Variants in COL4A4 observed in about 807,000 individuals in gnomAD.
COL4A4 encodes the protein collagen alpha-4(IV) chain.
In COL4A4, 105 loss-of-function variants were observed where a neutral mutation model predicts 192.9. The ratio of observed to expected loss-of-function variants is 0.54; its 90% CI spans 0.46 to 0.64. The LOEUF (loss-of-function observed/expected upper bound fraction) is 0.64, where lower values mean the gene tolerates loss of function less well. COL4A4 is among the 30% of genes least tolerant of loss of function. The pLI is 0.00. For synonymous variants in COL4A4, 762 were observed against 769.9 expected (o/e 0.99, Z 0.17); for missense variants, 1,967 against 2,169.3 (o/e 0.91, Z 1.85).
the COL4A4 span, among the ~76,000 whole-genome samples, chr2:226,992,034 T>C: frequency 1.3e-5 from 2 of 152,194 alleles, no homozygotes; most frequent in Non-Finnish European, 2.9e-5. Flanking sequence ...GCTGAACAAA[T>C]GTGAGTACAT....
intron 25 of COL4A4, among the ~76,000 whole-genome samples, chr2:227,076,159 C>G (rs1036953211): frequency 6.6e-6 from 1 of 151,960 alleles, no homozygotes; most frequent in Admixed American, 6.6e-5. Context: ...CACATGGAAC[C>G]AAAAAAGAGC....
At chr2:227,118,516 C>T (rs1412278063) in intron 7 of COL4A4, 129 bp downstream of exon 7, 2 of 745,962 alleles carry the variant, frequency 2.7e-6, no homozygotes, top group Middle Eastern at 2.5e-4. Flanking sequence ...TATCCCCCAG[C>T]CACTCCCATT....
Position 227,147,464 on chromosome 2 carries a change from A to G in COL4A4, c.20T>C (p.Val7Ala). 5 of 1,613,830 alleles carry G rather than the reference A, an allele frequency of 3.1e-6. No individual in the cohort carries two copies. Among genetic ancestry groups the G allele is most frequent in the South Asian group, 1.1e-5 (1 of 91,086 alleles). The change falls in exon 2 of 48, where the codon GTA becomes GCA. Residue 7 changes from valine (V) to alanine (A), a missense_variant. Physicochemically the swap from Val to Ala is moderately conservative, Grantham distance 64. Coordinates refer to ENST00000396625, the MANE Select transcript of COL4A4 (RefSeq NM_000092.5). ...CAATCTGAAGGAGCACCTCATTAGT[A>G]CTATGTGCAGAGACCACATCGCAGG... MWSLHI[V>A]LMRCSFRLTK...
At position 227,060,324 on chromosome 2, in the gene COL4A4, T is replaced by C. The variant is rs1362467396; in HGVS notation, c.2057-81A>G. 3 of 966,058 alleles carry C rather than the reference T, an allele frequency of 3.1e-6. No homozygotes were observed. In the African/African-American group the frequency reaches 4.9e-5, roughly 16 times the overall value. The allele number at this position is 966,058 out of a possible 1,614,324, so 59.8% of individuals were successfully genotyped here. ...AAAATGAGATGATTTTCTTTAAGTC[T>C]ATGTTAAGTCCTTTTAGAATATTTC... On this transcript the variant is annotated intron_variant, in intron 26 of 47. Transcript: ENST00000396625.
intron 4 of COL4A4, among the ~76,000 whole-genome samples, chr2:227,139,819 T>C (rs1420203817): frequency 6.6e-6 from 1 of 152,198 alleles, no homozygotes; most frequent in Non-Finnish European, 1.5e-5. Flanking sequence ...TGGATTTTTT[T>C]CTACCAACTT....
chr2:227,140,343 A>ATTAGTCTTTTCTTCTCATG, intron 3 of COL4A4, 105 bp from the exon 4 acceptor site: 1 of 878,468 alleles, frequency 1.1e-6, no homozygotes, highest in Non-Finnish European at 1.9e-6. Context: ...TGACTCCATG[A>ATTAGTCTTTTCTTCTCATG]GAAGAAAAGA....
chr2:227,062,269 A>G (rs2150310106), intron 26 of COL4A4, among the ~76,000 whole-genome samples: 1 of 151,980 alleles, frequency 6.6e-6, no homozygotes, highest in East Asian at 1.9e-4. Flanking sequence ...AGGGACAGAC[A>G]TTTTAACTGA....
intron 34 of COL4A4, 93 bp downstream of exon 34, chr2:227,049,975 C>T (rs1973725430): frequency 1.1e-5 from 13 of 1,211,318 alleles, no homozygotes; most frequent in Admixed American, 5.1e-5. Context: ...CTTTGATACA[C>T]TTTGCTTATC....
In COL4A4 at chr2:227,060,125, A is replaced by AAAAT; in HGVS notation, c.2164+10_2164+11insATTT. ...AGAAAAAAAAAAAAAAAAAAAAAAA[A>AAAAT]CCTCACTGACCAGGTGGACCTGGTA... On this transcript the variant is annotated intron_variant, in intron 27 of 47. Transcript: ENST00000396625. 1 of 1,436,018 alleles carries AAAAT rather than the reference A, an allele frequency of 7.0e-7. No individual in the cohort carries two copies. Among genetic ancestry groups the AAAAT allele is most frequent in the Non-Finnish European group, 9.6e-7 (1 of 1,043,382 alleles). 89.0% of individuals were successfully genotyped at this position (1,436,018 alleles called of 1,614,324 possible).
At chr2:227,041,511 T>C (rs1030314598) in intron 37 of COL4A4, among the ~76,000 whole-genome samples, 6 of 151,156 alleles carry the variant, frequency 4.0e-5, no homozygotes, top group Admixed American at 3.3e-4. Flanking sequence ...CATGGTGATG[T>C]GCACCTGTAA....
At chr2:226,995,354 G>T in the COL4A4 span, 4 of 866,356 alleles carry the variant, frequency 4.6e-6, no homozygotes, top group Non-Finnish European at 7.7e-6. Context: ...CTATCACTTT[G>T]TTCCCTTGGA....
Position 227,108,880 on chromosome 2 carries a change from G to C in COL4A4, c.658-12C>G. 2 of 1,610,530 alleles carry C rather than the reference G, an allele frequency of 1.2e-6. No individual in the cohort carries two copies. Among genetic ancestry groups the C allele is most frequent in the Non-Finnish European group, 1.7e-6 (2 of 1,177,880 alleles). On this transcript the variant is annotated splice_polypyrimidine_tract_variant and intron_variant, in intron 10 of 47. Transcript: ENST00000396625. ...TGGCCCGGAGGTCCCTAAATCAAGGGAGAAAAAAACACAAATCAATCATCA... is the reference window on the plus strand; with the variant it reads ...TGGCCCGGAGGTCCCTAAATCAAGGCAGAAAAAAACACAAATCAATCATCA...
intron 17 of COL4A4, 28 bp from the exon 18 acceptor site, chr2:227,099,717 A>C: frequency 6.2e-7 from 1 of 1,602,182 alleles, no homozygotes; most frequent in East Asian, 2.2e-5. Context: ...TTCACTTTTT[A>C]AAGGAATATT....
At position 227,140,382 on chromosome 2, in the gene COL4A4, A is replaced by G. The variant is rs1318891131; in HGVS notation, c.115-144T>C. On this transcript the variant is annotated intron_variant, in intron 3 of 47. Transcript: ENST00000396625. ...ATCATGACATATAAAAAGATGAAGA[A>G]CTTACACAGTAGCTTAATAATAAGG... The G allele has an allele frequency of 4.2e-6, 3 of 711,556 alleles. No homozygotes were observed. The Admixed American group carries it at 6.5e-5, about 15-fold the overall frequency. The allele number at this position is 711,556 out of a possible 1,614,324, so 44.1% of individuals were successfully genotyped here. A position where few individuals can be genotyped will look rare whatever the true frequency, so the allele number is the denominator to read the frequency against.
At chr2:226,969,762 A>G in the COL4A4 span, among the ~76,000 whole-genome samples, 1 of 152,204 alleles carries the variant, frequency 6.6e-6, no homozygotes, top group East Asian at 1.9e-4. Context: ...TTATTTTTTA[A>G]ATGTGATTTC....
chr2:227,054,827 TCAC>T, intron 30 of COL4A4, 90 bp from the exon 31 acceptor site: 5 of 1,416,512 alleles, frequency 3.5e-6, no homozygotes, highest in Non-Finnish European at 4.9e-6. Flanking sequence ...TCTCACTCTG[TCAC>T]CCAGGCTGAA....
At chr2:227,077,433 T>C (rs75803852) in intron 25 of COL4A4, among the ~76,000 whole-genome samples, 1 of 151,336 alleles carries the variant, frequency 6.6e-6, no homozygotes, top group Non-Finnish European at 1.5e-5. Context: ...TAAGTGGGAG[T>C]TGAACAATGA....
intron 20 of COL4A4, among the ~76,000 whole-genome samples, chr2:227,090,317 T>C (rs924402413): frequency 1.3e-5 from 2 of 152,170 alleles, no homozygotes; most frequent in African/African-American, 4.8e-5. Flanking sequence ...CAGTGATCAA[T>C]TCTTAGCTAA....
At chr2:227,050,925 A>G in intron 33 of COL4A4, 52 bp downstream of exon 33, 1 of 1,608,116 alleles carries the variant, frequency 6.2e-7, no homozygotes, top group South Asian at 1.1e-5. Context: ...CGGACATCCT[A>G]AGAACAGAAA....
Sources: gnomAD v4.1 joint callset for allele counts (sites outside exome capture counted in the v4.1 genomes callset) on GRCh38, gnomAD v4.1.1 for gene constraint, MANE v1.5 for transcripts, NCBI Gene and HGNC (gene_info 2026-07-23, HGNC 2026-07-21) for gene names.